Variants in NCAM1 observed in about 807,000 individuals in gnomAD.
NCAM1 encodes antigen recognized by monoclonal antibody 5.1H11.
In NCAM1, 14 loss-of-function variants were observed where a neutral mutation model predicts 109.8. The ratio of observed to expected loss-of-function variants is 0.13; its 90% confidence interval spans 0.08 to 0.20. The LOEUF (loss-of-function observed/expected upper bound fraction) is 0.20, where lower values mean the gene tolerates loss of function less well. Among genes scored for constraint, NCAM1 ranks in the 10% least tolerant of loss-of-function variants. NCAM1 has a pLI of 1.00. For synonymous variants in NCAM1, 418 were observed against 442.9 expected, an observed-to-expected ratio of 0.94 and a Z score of 0.70; for missense variants, 774 against 1,109.9, an observed-to-expected ratio of 0.70 and a Z score of 4.30.
chr11:113,065,657 A>G (rs781856917), intron 1 of NCAM1, among the ~76,000 whole-genome samples: 4 of 152,180 alleles, frequency 2.6e-5, no homozygotes, highest in Non-Finnish European at 4.4e-5. Context: ...CCTTGCCAGT[A>G]CTCCTCAAAT....
chr11:113,240,047 T>C (rs1001195024), intron 14 of NCAM1, among the ~76,000 whole-genome samples: 3 of 152,232 alleles, frequency 2.0e-5, no homozygotes, highest in Admixed American at 1.3e-4. Context: ...AACCATCCTC[T>C]ACACAGAAGA....
At chr11:113,000,469 A>G (rs1951716847) in intron 1 of NCAM1, among the ~76,000 whole-genome samples, 1 of 152,158 alleles carries the variant, frequency 6.6e-6, no homozygotes, top group Non-Finnish European at 1.5e-5. Flanking sequence ...TATTAGTATT[A>G]TTATTATGTC....
intron 1 of NCAM1, among the ~76,000 whole-genome samples, chr11:113,125,719 G>A (rs1555096954): frequency 6.6e-6 from 1 of 152,192 alleles, no homozygotes; most frequent in East Asian, 1.9e-4. Flanking sequence ...AAGGCTCCAG[G>A]CCACCCTTTG....
At chr11:113,136,473 G>C (rs1193041659) in intron 1 of NCAM1, among the ~76,000 whole-genome samples, 1 of 152,196 alleles carries the variant, frequency 6.6e-6, no homozygotes, top group East Asian at 1.9e-4. Flanking sequence ...GACAGGGCTG[G>C]GAACTAAGGA....
At chr11:112,987,171 G>T (rs1308896795) in intron 1 of NCAM1, among the ~76,000 whole-genome samples, 2 of 152,054 alleles carry the variant, frequency 1.3e-5, no homozygotes, top group African/African-American at 4.8e-5. Flanking sequence ...TCAAAAGCAT[G>T]TTGGTTAATT....
At chr11:113,187,819 C>T (rs944286312) in intron 1 of NCAM1, among the ~76,000 whole-genome samples, 14 of 152,190 alleles carry the variant, frequency 9.2e-5, no homozygotes, top group African/African-American at 2.6e-4. Flanking sequence ...TCTTTTTTCT[C>T]GGGCCATTTA....
intron 1 of NCAM1, among the ~76,000 whole-genome samples, chr11:113,106,932 G>A (rs1387603615): frequency 6.6e-6 from 1 of 152,166 alleles, no homozygotes; most frequent in Non-Finnish European, 1.5e-5. Context: ...GTTGCTTGTG[G>A]TCTCTCCTCC....
chr11:113,081,836 CT>C (rs1314888852), intron 1 of NCAM1, among the ~76,000 whole-genome samples: 2 of 152,292 alleles, frequency 1.3e-5, no homozygotes, highest in South Asian at 2.1e-4. Flanking sequence ...GCCGTCTTTT[CT>C]TTTTTTCTTT....
chr11:113,099,753 A>C (rs1939782963), intron 1 of NCAM1, among the ~76,000 whole-genome samples: 1 of 151,974 alleles, frequency 6.6e-6, no homozygotes, highest in Admixed American at 6.6e-5. Context: ...TAGTGGTGTG[A>C]TCTCAGCTCA....
Position 113,206,077 on chromosome 11 carries a change from G to T in NCAM1, c.525G>T (p.Gln175His). 1.9e-6 allele frequency: 3 copies of T among 1,613,972 alleles called. No individual in the cohort carries two copies. Among genetic ancestry groups the T allele is most frequent in the Non-Finnish European group, 2.5e-6 (3 of 1,179,876 alleles). ...RFIVLSNNYL[Q>H]IRGIKKTDEG... ...TAGTCCTGTCCAACAACTACCTGCA[G>T]ATCCGGGGCATCAAGAAAACAGATG... The change falls in exon 5 of 20, where the codon CAG becomes CAT. Residue 175 changes from glutamine (Q) to histidine (H), a missense_variant. Gln to His is a conservative substitution (Grantham distance 24, BLOSUM62 0). Around this residue, in one of 4 missense-constraint regions of NCAM1, gnomAD observed 523 missense variants for 784.2 expected, o/e 0.67. Coordinates refer to ENST00000316851, the MANE Select transcript of NCAM1 (RefSeq NM_181351.5).
rs138668793 is a variant in NCAM1 at position 113,206,298 on chromosome 11, G to C, written c.628+118G>C. ...AAATCCTGTCCTGACTCAATCATCC[G>C]TCTGAGCTAAATCCCCTCCCCACCG... On this transcript the variant is annotated intron_variant, in intron 5 of 19. Coordinates refer to ENST00000316851, the MANE Select transcript of NCAM1 (RefSeq NM_181351.5). 1,740 of 1,100,438 alleles carry C rather than the reference G, an allele frequency of 1.6e-3. 21 individuals carry two copies. In the African/African-American group the frequency reaches 0.025, roughly 16 times the overall value. The allele number at this position is 1,100,438 out of a possible 1,614,324, so 68.2% of individuals were successfully genotyped here.
At chr11:113,001,913 C>T (rs1951762597) in intron 1 of NCAM1, among the ~76,000 whole-genome samples, 1 of 152,130 alleles carries the variant, frequency 6.6e-6, no homozygotes, top group African/African-American at 2.4e-5. Context: ...CTGTGCTTCC[C>T]TCCACGTTGG....
intron 1 of NCAM1, among the ~76,000 whole-genome samples, chr11:112,986,598 T>C (rs1555069706): frequency 6.6e-6 from 1 of 152,018 alleles, no homozygotes; most frequent in East Asian, 1.9e-4. Context: ...ACTTGTTACC[T>C]GTCTGCTCAC....
At chr11:113,036,286 C>T (rs1328697629) in intron 1 of NCAM1, among the ~76,000 whole-genome samples, 2 of 152,132 alleles carry the variant, frequency 1.3e-5, no homozygotes, top group Non-Finnish European at 2.9e-5. Flanking sequence ...CCTCTCTTCC[C>T]AGCTCAACAG....
intron 1 of NCAM1, among the ~76,000 whole-genome samples, chr11:113,163,606 G>A (rs1283395747): frequency 6.6e-6 from 1 of 152,204 alleles, no homozygotes; most frequent in African/African-American, 2.4e-5. Context: ...GTCCAGCCTT[G>A]TCTCAGAGAG....
intron 8 of NCAM1, 123 bp from the exon 9 acceptor site, chr11:113,221,173 G>A (rs1591431693): frequency 1.0e-6 from 1 of 987,058 alleles, no homozygotes; most frequent in Non-Finnish European, 1.5e-6. Flanking sequence ...GTGGGCCTTG[G>A]AAAAAGTTCT....
intron 1 of NCAM1, among the ~76,000 whole-genome samples, chr11:113,001,764 T>C (rs1951759422): frequency 6.6e-6 from 1 of 152,176 alleles, no homozygotes; most frequent in Non-Finnish European, 1.5e-5. Context: ...GAACTCAGAC[T>C]GGCATAAACA....
At chr11:113,206,297 C>A in intron 5 of NCAM1, 117 bp downstream of exon 5, 1 of 1,122,358 alleles carries the variant, frequency 8.9e-7, no homozygotes, top group South Asian at 1.9e-5. Context: ...CTCAATCATC[C>A]GTCTGAGCTA....
intron 14 of NCAM1, among the ~76,000 whole-genome samples, chr11:113,237,905 GAT>G (rs55698443): frequency 0.33 from 45,911 of 138,744 alleles, 8,443 homozygotes; most frequent in Non-Finnish European, 0.4. Context: ...TAGATATATA[GAT>G]ATATATAGAT....
Sources: gnomAD v4.1 joint callset for allele counts (sites outside exome capture counted in the v4.1 genomes callset) on GRCh38, gnomAD v4.1.1 for gene constraint, gnomAD v4.1.1 regional missense constraint, MANE v1.5 for transcripts, NCBI Gene and HGNC (gene_info 2026-07-23, HGNC 2026-07-21) for gene names.